Variants in RANBP10 observed in about 807,000 individuals in gnomAD.
RANBP10 encodes ran-binding protein 10.
In RANBP10, 24 loss-of-function variants were observed where a neutral mutation model predicts 72.8. That is an observed-to-expected ratio of 0.33 (90% CI 0.24 to 0.46). The LOEUF is 0.46. Ranked by LOEUF, RANBP10 falls within the 20% of genes least tolerant of loss-of-function variation. RANBP10 has a pLI of 1.00. For missense variants in RANBP10, 679 were observed against 817.5 expected, an observed-to-expected ratio of 0.83 and a Z score of 2.07; for synonymous variants, 310 against 322.3, an observed-to-expected ratio of 0.96 and a Z score of 0.41.
rs2053680643 is a variant in RANBP10, at chr16:67,729,538, G to A, written c.1148-54C>T. ...GAGGGGCAGCTTCCCATGAAATGAA[G>A]CCCCAAGAACAACCACAGTGGTCCC... On this transcript the variant is annotated intron_variant, in intron 9 of 13. Coordinates refer to ENST00000317506, the MANE Select transcript of RANBP10 (RefSeq NM_020850.3). The surrounding 1 kb of genome is among the most constrained non-coding windows in gnomAD (Gnocchi z 7.1). 5.1e-6 allele frequency: 8 copies of A among 1,579,796 alleles called. 1 individual carries two copies. In the Admixed American group the frequency reaches 1.2e-4, roughly 24 times the overall value.
At chr16:67,734,745 G>T (rs2053805368) in intron 6 of RANBP10, 113 bp downstream of exon 6, 1 of 1,175,576 alleles carries the variant, frequency 8.5e-7, no homozygotes, top group Admixed American at 3.5e-5. Context: ...ATGCTTCCCA[G>T]AAAGGATCCA....
At chr16:67,787,064 C>A (rs566771451) in intron 2 of RANBP10, among the ~76,000 whole-genome samples, 1 of 151,804 alleles carries the variant, frequency 6.6e-6, no homozygotes, top group African/African-American at 2.4e-5. Context: ...CATGGTGAAA[C>A]CCTGTCTCTA....
chr16:67,723,897 T>A lies in RANBP10; in HGVS notation c.*2531A>T, dbSNP rs770137678. 2.0e-5 allele frequency: 3 copies of A among 152,630 alleles called. No homozygotes were observed. The highest frequency in any genetic ancestry group is 2.9e-5 in the Non-Finnish European group (2 of 68,196). 9.5% of individuals were successfully genotyped at this position (152,630 alleles called of 1,614,324 possible). On this transcript the variant is annotated 3_prime_UTR_variant, in exon 14 of 14. Transcript: ENST00000317506. ...GAGAGTGGGCTCAAGCAGCTTGGTT[T>A]TGGCCCTCTCCACAGCTTGTGGGGC... is the stretch of plus-strand genomic sequence containing the variant.
At chr16:67,781,844 G>A (rs2054818336) in intron 2 of RANBP10, among the ~76,000 whole-genome samples, 1 of 152,198 alleles carries the variant, frequency 6.6e-6, no homozygotes, top group Non-Finnish European at 1.5e-5. Context: ...CAGAACACAA[G>A]ATAGAGAAGA....
intron 3 of RANBP10, among the ~76,000 whole-genome samples, chr16:67,771,467 T>A (rs2054606591): frequency 6.6e-6 from 1 of 152,024 alleles, no homozygotes; most frequent in South Asian, 2.1e-4. Context: ...TGCCTCTGCC[T>A]CCCAAGTAGC....
chr16:67,731,432 C>T (rs950896899), intron 7 of RANBP10, 40 bp downstream of exon 7: 1 of 1,526,764 alleles, frequency 6.5e-7, no homozygotes, highest in Non-Finnish European at 9.1e-7. Flanking sequence ...GAGTTAGGGA[C>T]AGGTGAGGAA....
rs574576436 is a variant in RANBP10, at chr16:67,726,233, A to G, written c.*195T>C. ...TTACAGGCCGCTGCACGTGAAGGGG[A>G]GAGAGAGAGAGACTGAGCGGGGTGG... On this transcript the variant is annotated 3_prime_UTR_variant, in exon 14 of 14. Coordinates refer to ENST00000317506, the MANE Select transcript of RANBP10 (RefSeq NM_020850.3). The G allele has an allele frequency of 1.1e-5, 6 of 532,446 alleles. No individual in the cohort carries two copies. Among genetic ancestry groups the G allele is most frequent in the East Asian group, 4.4e-5 (1 of 22,614 alleles). 33.0% of individuals were successfully genotyped at this position (532,446 alleles called of 1,614,324 possible).
chr16:67,779,238 T>G (rs756037626), intron 2 of RANBP10, among the ~76,000 whole-genome samples: 1 of 151,594 alleles, frequency 6.6e-6, no homozygotes, highest in Non-Finnish European at 1.5e-5. Flanking sequence ...CCACCAAAAA[T>G]ACAAAAATTA....
chr16:67,772,026 T>G lies in RANBP10; in HGVS notation c.400+8A>C. ...GCAGAACAAATGTTCTCTTAAACAGTGACTCACCAGGAAGTCTGTTCATGT... is the reference window on the plus strand; with the variant it reads ...GCAGAACAAATGTTCTCTTAAACAGGGACTCACCAGGAAGTCTGTTCATGT... On this transcript the variant is annotated splice_region_variant and intron_variant, in intron 3 of 13. Transcript: ENST00000317506. 1 of 1,607,310 alleles carries G rather than the reference T, an allele frequency of 6.2e-7. No individual in the cohort carries two copies.
chr16:67,801,993 G>A (rs1165245298), intron 2 of RANBP10, among the ~76,000 whole-genome samples: 1 of 151,856 alleles, frequency 6.6e-6, no homozygotes, highest in Non-Finnish European at 1.5e-5. Flanking sequence ...TACTCAGGAA[G>A]CTGAGGTGGG....
In RANBP10 at chr16:67,759,972, C is replaced by T. The variant is rs531263677; in HGVS notation, c.400+12062G>A. 6.6e-5 allele frequency among the ~76,000 whole-genome samples: 10 copies of T among 152,058 alleles called. No individual in the cohort carries two copies. The South Asian group carries it at 1.9e-3, about 28-fold the overall frequency. On this transcript the variant is annotated intron_variant, in intron 3 of 13. Coordinates refer to ENST00000317506, the MANE Select transcript of RANBP10 (RefSeq NM_020850.3). ...AAAATTAGCTGGGTGTGGTGGCAGG[C>T]GCCTGTAGTCCCAGCTACTCGGGAC...
intron 3 of RANBP10, among the ~76,000 whole-genome samples, chr16:67,771,631 T>C (rs760861692): frequency 1.2e-4 from 19 of 152,202 alleles, no homozygotes; most frequent in Non-Finnish European, 2.5e-4. Context: ...CGTGAGCCGC[T>C]GTGCCCGGCC....
At chr16:67,786,167 A>G (rs1416795423) in intron 2 of RANBP10, among the ~76,000 whole-genome samples, 2 of 151,776 alleles carry the variant, frequency 1.3e-5, no homozygotes, top group African/African-American at 4.8e-5. Flanking sequence ...CATCTCTACA[A>G]AAAATTTAAA....
intron 3 of RANBP10, among the ~76,000 whole-genome samples, chr16:67,771,748 G>A (rs1404591324): frequency 2.0e-5 from 3 of 152,216 alleles, no homozygotes; most frequent in Non-Finnish European, 4.4e-5. Flanking sequence ...ATGGGAGCAA[G>A]GGCTACTGAC....
Position 67,806,476 on chromosome 16 carries a change from C to A in RANBP10, c.61G>T (p.Gly21Trp), listed in dbSNP as rs537091677. Residue 21 changes from glycine (G) to tryptophan (W), a missense_variant, in exon 1 of 14, where the codon GGG becomes TGG. Physicochemically the swap from Gly to Trp is radical, Grantham distance 184 (BLOSUM62 -2). Coordinates refer to ENST00000317506, the MANE Select transcript of RANBP10 (RefSeq NM_020850.3). ...GACGGCAGCCCGCCCCCAGCGCCCCCGCCGGAGGAGTCCCCAGGCTGCGGG... is the reference window on the plus strand; with the variant it reads ...GACGGCAGCCCGCCCCCAGCGCCCCAGCCGGAGGAGTCCCCAGGCTGCGGG... Reference protein sequence around the residue: ...GNPQPGDSSGGGAGGGLPSPG... With the variant: ...GNPQPGDSSGWGAGGGLPSPG... The A allele has an allele frequency of 1.3e-6, 2 of 1,550,722 alleles. No individual in the cohort carries two copies. Among genetic ancestry groups the A allele is most frequent in the African/African-American group, 2.7e-5 (2 of 73,032 alleles).
At chr16:67,773,688 T>C (rs138383378) in intron 2 of RANBP10, among the ~76,000 whole-genome samples, 245 of 152,162 alleles carry the variant, frequency 1.6e-3, no homozygotes, top group African/African-American at 5.3e-3. Flanking sequence ...GTGGCCCACA[T>C]GGCTTAGGGA....
intron 2 of RANBP10, among the ~76,000 whole-genome samples, chr16:67,796,080 C>A (rs1385771376): frequency 6.6e-6 from 1 of 151,670 alleles, no homozygotes; most frequent in Admixed American, 6.6e-5. Flanking sequence ...CCATGCCCAG[C>A]TAATATTTTT....
At chr16:67,795,462 C>G (rs1395845656) in intron 2 of RANBP10, among the ~76,000 whole-genome samples, 1 of 151,394 alleles carries the variant, frequency 6.6e-6, no homozygotes, top group Non-Finnish European at 1.5e-5. Context: ...TCGCTTGAAC[C>G]CGGGAGGCGG....
chr16:67,758,427 CT>C (rs1328290100), intron 3 of RANBP10, among the ~76,000 whole-genome samples: 3 of 152,318 alleles, frequency 2.0e-5, no homozygotes, highest in African/African-American at 7.2e-5. Context: ...GATGGGTGAC[CT>C]ATGGTAACAT....
Sources: allele counts gnomAD v4.1 joint callset (sites outside exome capture counted in the v4.1 genomes callset), GRCh38; gene constraint gnomAD v4.1.1; non-coding constraint Gnocchi (gnomAD v3.1); transcripts MANE v1.5; gene names NCBI Gene and HGNC (gene_info 2026-07-23, HGNC 2026-07-21).